Variants in TLE5 observed in about 807,000 individuals in gnomAD.
TLE5 encodes TLE family member 5.
In TLE5, 7 loss-of-function variants were observed where a neutral mutation model predicts 25.8. That is an observed-to-expected ratio of 0.27 (90% CI 0.15 to 0.51). TLE5 has a LOEUF of 0.51. Ranked by LOEUF, TLE5 falls within the 20% of genes least tolerant of loss-of-function variation. The pLI, the probability that TLE5 is intolerant of heterozygous loss-of-function variation, is 0.97. For missense variants in TLE5, 149 were observed against 250.7 expected, an observed-to-expected ratio of 0.59 and a Z score of 2.74; for synonymous variants, 132 against 110.5, an observed-to-expected ratio of 1.20 and a Z score of -1.22.
Position 3,057,615 on chromosome 19 carries a change from G to C in TLE5, c.189+64C>G, listed in dbSNP as rs369942753. 4.5e-4 allele frequency: 668 copies of C among 1,499,028 alleles called. 3 individuals carry two copies. The African/African-American group carries it at 8.4e-3, about 19-fold the overall frequency. 92.9% of individuals were successfully genotyped at this position (1,499,028 alleles called of 1,614,324 possible). A position where few individuals can be genotyped will look rare whatever the true frequency, so the allele number is the denominator to read the frequency against. On this transcript the variant is annotated intron_variant, in intron 3 of 6. Coordinates refer to ENST00000327141, the MANE Select transcript of TLE5 (RefSeq NM_001130.6). ...GTTGAGGGAGCAGCTGCCCGTGGTGGAGGGGATGTGGAGGGCCCTGTCGCC... is the reference window on the plus strand; with the variant it reads ...GTTGAGGGAGCAGCTGCCCGTGGTGCAGGGGATGTGGAGGGCCCTGTCGCC...
chr19:3,054,455 T>C (rs1288173744), intron 5 of TLE5: 4 of 574,076 alleles, frequency 7.0e-6, no homozygotes, highest in Non-Finnish European at 9.4e-6. Context: ...GCTAAGTAGT[T>C]AGGAAACAGC....
chr19:3,062,599 G>A (rs1434525740), upstream of TLE5: 2 of 1,027,510 alleles, frequency 1.9e-6, no homozygotes, highest in Admixed American at 5.6e-5. Flanking sequence ...GAGGCCTGCG[G>A]ATCCCCACGC....
At chr19:3,062,671 G>A (rs771831995), upstream of TLE5, 2 of 1,373,540 alleles carry the variant, frequency 1.5e-6, no homozygotes, top group South Asian at 1.6e-5. Context: ...CCCCCGCCCC[G>A]GGCAGCGGCC....
chr19:3,057,435 G>A (rs753017519), intron 3 of TLE5: 2 of 537,920 alleles, frequency 3.7e-6, no homozygotes, highest in Middle Eastern at 5.1e-4. Context: ...GGACAGCCGG[G>A]GGACCTGGCA....
intron 6 of TLE5, 28 bp downstream of exon 6, chr19:3,054,092 G>GGGCCCCC: frequency 1.6e-6 from 2 of 1,274,692 alleles, no homozygotes; most frequent in Non-Finnish European, 2.1e-6. Flanking sequence ...CCTGTCCCCC[G>GGGCCCCC]CCCACCCGCC....
chr19:3,061,343 TGCG>T, intron 1 of TLE5, 86 bp from the exon 2 acceptor site: 1 of 1,066,960 alleles, frequency 9.4e-7, no homozygotes, highest in South Asian at 1.3e-5. Context: ...GCCGCGCAGC[TGCG>T]GCGCCCCCCC....
intron 1 of TLE5, 63 bp downstream of exon 1, chr19:3,062,111 G>C: frequency 1.1e-6 from 1 of 916,348 alleles, no homozygotes; most frequent in Non-Finnish European, 1.4e-6. Flanking sequence ...GCCGGGAGCC[G>C]GGGGTCGGGG....
chr19:3,060,379 C>T (rs1240225625), intron 2 of TLE5, among the ~76,000 whole-genome samples: 2 of 128,178 alleles, frequency 1.6e-5, no homozygotes, highest in East Asian at 4.5e-4. Flanking sequence ...GTTACCCAGG[C>T]TGGAGAGCAG....
chr19:3,054,292 A>C, intron 5 of TLE5, 98 bp from the exon 6 acceptor site: 1 of 1,186,068 alleles, frequency 8.4e-7, no homozygotes, highest in Admixed American at 2.0e-5. Flanking sequence ...CCCACTACCA[A>C]GTGGGCCATC....
chr19:3,055,883 G>T, intron 4 of TLE5, 157 bp from the exon 5 acceptor site: 1 of 722,330 alleles, frequency 1.4e-6, no homozygotes, highest in Non-Finnish European at 2.2e-6. Context: ...CCGTGTTCGG[G>T]CCCGAGGGCA....
In TLE5 at chr19:3,053,909, C is replaced by G. The variant is rs149586797; in HGVS notation, c.504G>C (p.Ala168=). The G allele has an allele frequency of 1.9e-6, 3 of 1,612,970 alleles. No homozygotes were observed. The African/African-American group carries it at 4.0e-5, about 22-fold the overall frequency. ...SAGTGLLSLS[A]LGSQAHLSKE... is the part of the protein sequence containing the mutation. ...TGGAGAGGTGGGCCTGGGAACCCAG[C>G]GCGGACAGCGAGAGGAGGCCGGTGC... The change falls in exon 7 of 7, where the codon GCG becomes GCC. Residue 168 remains alanine (A), a synonymous_variant. Coordinates refer to ENST00000327141, the MANE Select transcript of TLE5 (RefSeq NM_001130.6).
At chr19:3,055,622 CG>C in intron 5 of TLE5, 41 bp downstream of exon 5, 1 of 1,548,718 alleles carries the variant, frequency 6.5e-7, no homozygotes, top group Non-Finnish European at 8.7e-7. Context: ...TGGGCAAGTG[CG>C]GGGCCCCCTC....
rs903912273 is a variant in TLE5 at position 3,053,123 on chromosome 19, A to G, written c.*696T>C. On this transcript the variant is annotated 3_prime_UTR_variant, in exon 7 of 7. Transcript: ENST00000327141. The stretch of plus-strand genomic sequence containing the variant: ...AAAGACAAGCTAGTATACTGGAAAA[A>G]GAAAAAAATAATAATAAAATAAAAA... The G allele has an allele frequency of 2.6e-5, 4 of 151,844 alleles. No homozygotes were observed. The highest frequency in any genetic ancestry group is 9.7e-5 in the African/African-American group (4 of 41,332). 9.4% of individuals were successfully genotyped at this position (151,844 alleles called of 1,614,324 possible).
rs200912573 is a variant in TLE5, at chr19:3,053,790, C to T, written c.*29G>A. On this transcript the variant is annotated 3_prime_UTR_variant, in exon 7 of 7. Coordinates refer to ENST00000327141, the MANE Select transcript of TLE5 (RefSeq NM_001130.6). ...GTGCCTCTGTCTCCCCTCTGTCCCC[C>T]CTCCCAACCTCCCTGTCCCGGCCCC... The T allele has an allele frequency of 8.8e-5, 141 of 1,605,884 alleles. No individual in the cohort carries two copies. Among genetic ancestry groups the T allele is most frequent in the Non-Finnish European group, 1.1e-4 (130 of 1,175,104 alleles).
At chr19:3,055,842 G>GCCAGCCCTGCCACTTGCGGCTT in intron 4 of TLE5, 116 bp from the exon 5 acceptor site, 1 of 1,165,220 alleles carries the variant, frequency 8.6e-7, no homozygotes, top group South Asian at 1.6e-5. Context: ...TCTAAGAGGG[G>GCCAGCCCTGCCACTTGCGGCTT]CTAGGTCTGG....
chr19:3,056,728 G>A (rs1248450855), intron 3 of TLE5: 2 of 383,120 alleles, frequency 5.2e-6, no homozygotes, highest in African/African-American at 4.3e-5. Flanking sequence ...CAGACGCCAG[G>A]GAAGTTTGCC....
rs1446054946 is a variant in TLE5, at chr19:3,053,563, A to C, written c.*256T>G. On this transcript the variant is annotated 3_prime_UTR_variant, in exon 7 of 7. Transcript: ENST00000327141. ...TCTCCCATCTGACCCTCCAGGCCTT[A>C]GCTTGCCTCACATGTCAGGGCAGGT... 3 of 562,730 alleles carry C rather than the reference A, an allele frequency of 5.3e-6. No homozygotes were observed. Among genetic ancestry groups the C allele is most frequent in the South Asian group, 4.4e-5 (2 of 45,716 alleles). The allele number at this position is 562,730 out of a possible 1,614,324, so 34.9% of individuals were successfully genotyped here. A position where few individuals can be genotyped will look rare whatever the true frequency, so the allele number is the denominator to read the frequency against.
intron 3 of TLE5, 50 bp downstream of exon 3, chr19:3,057,629 G>A (rs780153150): frequency 2.5e-6 from 4 of 1,569,510 alleles, no homozygotes; most frequent in African/African-American, 1.4e-5. Context: ...GGATGTGGAG[G>A]GCCCTGTCGC....
In TLE5 at chr19:3,053,603, G is replaced by T; in HGVS notation, c.*216C>A. 1.7e-6 allele frequency: 1 copy of T among 604,204 alleles called. No individual in the cohort carries two copies. Among genetic ancestry groups the T allele is most frequent in the East Asian group, 2.8e-5 (1 of 35,824 alleles). The allele number at this position is 604,204 out of a possible 1,614,324, so 37.4% of individuals were successfully genotyped here. On this transcript the variant is annotated 3_prime_UTR_variant, in exon 7 of 7. Coordinates refer to ENST00000327141, the MANE Select transcript of TLE5 (RefSeq NM_001130.6). ...TCAGGGCAGGTATCCACCTAACCAG[G>T]CTGCAGGGGAGGAGGAGGGAAGCCG...
Sources: allele counts gnomAD v4.1 joint callset (sites outside exome capture counted in the v4.1 genomes callset), GRCh38; gene constraint gnomAD v4.1.1; transcripts MANE v1.5; gene names NCBI Gene and HGNC (gene_info 2026-07-23, HGNC 2026-07-21).